The following CSMD1 variants were observed in gnomAD, a reference collection of about 807,000 sequenced individuals.
CSMD1 encodes CUB and Sushi multiple domains 1, also known as CUB and sushi domain-containing protein 1.
CSMD1 carries 213 observed loss-of-function variants against 417.5 expected under a neutral mutation model. That is an observed-to-expected ratio of 0.51 (90% confidence interval 0.46 to 0.57). The LOEUF is 0.57. Ranked by LOEUF, CSMD1 falls within the 20% of genes least tolerant of loss-of-function variation. CSMD1 has a pLI of 0.00. For synonymous variants in CSMD1, 2,862 were observed against 1,736.8 expected, an observed-to-expected ratio of 1.65 and a Z score of -16.11; for missense variants, 6,923 against 4,529.7, an observed-to-expected ratio of 1.53 and a Z score of -15.17.
intron 1 of CSMD1, among the ~76,000 whole-genome samples, chr8:4,738,648 C>T (rs1321489615): frequency 2.0e-5 from 3 of 151,954 alleles, no homozygotes; most frequent in East Asian, 3.9e-4. Flanking sequence ...CCAACAGCAT[C>T]GTTTCTGTCA....
At chr8:3,593,570 A>G (rs1800956818) in intron 8 of CSMD1, among the ~76,000 whole-genome samples, 1 of 152,200 alleles carries the variant, frequency 6.6e-6, no homozygotes, top group Non-Finnish European at 1.5e-5. Flanking sequence ...TCCAGATCTG[A>G]CTTTTAACCT....
chr8:4,192,253 A>G (rs1268228980), intron 3 of CSMD1, among the ~76,000 whole-genome samples: 3 of 152,210 alleles, frequency 2.0e-5, no homozygotes, highest in African/African-American at 7.2e-5. Context: ...CGTTAGGATT[A>G]TAAATTAGAT....
chr8:4,071,482 T>G (rs1474905312), intron 3 of CSMD1, among the ~76,000 whole-genome samples: 2 of 152,164 alleles, frequency 1.3e-5, no homozygotes, highest in Non-Finnish European at 2.9e-5. Context: ...ATTTCTAACT[T>G]TTTTTCACCA....
chr8:3,263,219 C>T (rs1469363700), intron 26 of CSMD1, among the ~76,000 whole-genome samples: 1 of 152,212 alleles, frequency 6.6e-6, no homozygotes, highest in East Asian at 1.9e-4. Flanking sequence ...CTGCCTCAGC[C>T]TCCCGAGTAC....
chr8:4,035,397 A>G (rs1420988541), intron 3 of CSMD1, among the ~76,000 whole-genome samples: 1 of 152,226 alleles, frequency 6.6e-6, no homozygotes, highest in Non-Finnish European at 1.5e-5. Context: ...TCTACTAAAA[A>G]AAAATTACGA....
chr8:3,602,712 G>C (rs948479250), intron 8 of CSMD1, among the ~76,000 whole-genome samples: 1 of 132,586 alleles, frequency 7.5e-6, no homozygotes, highest in Non-Finnish European at 1.6e-5. Context: ...TTTACAGGAA[G>C]AATTACACAC....
chr8:4,578,491 T>C (rs1344307807), intron 2 of CSMD1, among the ~76,000 whole-genome samples: 1 of 151,642 alleles, frequency 6.6e-6, no homozygotes, highest in African/African-American at 2.4e-5. Context: ...CTTCCACAAA[T>C]ATTCAGAGTA....
At chr8:3,412,544 G>A (rs148298213) in intron 12 of CSMD1, among the ~76,000 whole-genome samples, 1 of 152,118 alleles carries the variant, frequency 6.6e-6, no homozygotes, top group African/African-American at 2.4e-5. Flanking sequence ...CTAGCATGAA[G>A]ATGTTGAATA....
At chr8:3,500,532 A>G (rs1315103103) in intron 10 of CSMD1, among the ~76,000 whole-genome samples, 1 of 152,210 alleles carries the variant, frequency 6.6e-6, no homozygotes, top group African/African-American at 2.4e-5. Context: ...GATGAGCTGC[A>G]GTCTCTTTCA....
At chr8:4,617,525 T>G (rs912344736) in intron 2 of CSMD1, among the ~76,000 whole-genome samples, 4 of 152,154 alleles carry the variant, frequency 2.6e-5, no homozygotes, top group African/African-American at 9.7e-5. Flanking sequence ...CTATGAGGTT[T>G]CTGTCTGGAT....
intron 23 of CSMD1, among the ~76,000 whole-genome samples, chr8:3,330,512 G>A (rs1406342927): frequency 2.0e-5 from 3 of 152,248 alleles, no homozygotes; most frequent in Non-Finnish European, 4.4e-5. Flanking sequence ...ACCAAATACC[G>A]CGTGATCTCA....
At chr8:3,021,665 G>C (rs910190482) in intron 51 of CSMD1, among the ~76,000 whole-genome samples, 1 of 151,832 alleles carries the variant, frequency 6.6e-6, no homozygotes, top group Admixed American at 6.6e-5. Flanking sequence ...GAATGCACCT[G>C]CAATCCCACA....
At chr8:4,600,087 G>A (rs867300213) in intron 2 of CSMD1, among the ~76,000 whole-genome samples, 5 of 152,146 alleles carry the variant, frequency 3.3e-5, no homozygotes, top group Non-Finnish European at 7.4e-5. Flanking sequence ...GTGGAGTTAG[G>A]ACTAGAGGGT....
intron 5 of CSMD1, among the ~76,000 whole-genome samples, chr8:3,854,043 C>A: frequency 1.4e-5 from 2 of 140,722 alleles, no homozygotes. Flanking sequence ...ATATAATATA[C>A]TAAAGTATAT....
intron 4 of CSMD1, among the ~76,000 whole-genome samples, chr8:4,025,683 G>C (rs139788665): frequency 1.3e-5 from 2 of 152,196 alleles, no homozygotes; most frequent in African/African-American, 2.4e-5. Flanking sequence ...AAAGACTCAA[G>C]AATAACGAAT....
At chr8:3,208,979 A>T (rs1429810026) in intron 30 of CSMD1, among the ~76,000 whole-genome samples, 1 of 152,218 alleles carries the variant, frequency 6.6e-6, no homozygotes, top group East Asian at 1.9e-4. Flanking sequence ...TAACTATTCC[A>T]TTAGTTCTGT....
intron 1 of CSMD1, among the ~76,000 whole-genome samples, chr8:4,678,704 C>A (rs763877049): frequency 6.6e-6 from 1 of 152,140 alleles, no homozygotes; most frequent in Non-Finnish European, 1.5e-5. Context: ...ATAAAAATGT[C>A]TTCAAGGACC....
At chr8:3,982,304 G>A (rs2130193369) in intron 5 of CSMD1, among the ~76,000 whole-genome samples, 1 of 151,782 alleles carries the variant, frequency 6.6e-6, no homozygotes, top group East Asian at 1.9e-4. Flanking sequence ...GTGTGATACA[G>A]CATAAATTAC....
intron 5 of CSMD1, among the ~76,000 whole-genome samples, chr8:3,988,646 C>T (rs547619622): frequency 1.7e-4 from 26 of 152,304 alleles, no homozygotes; most frequent in African/African-American, 5.5e-4. Flanking sequence ...ATATGTACTT[C>T]GGTCAAAATT....
Sources: allele counts gnomAD v4.1 joint callset (sites outside exome capture counted in the v4.1 genomes callset), GRCh38; gene constraint gnomAD v4.1.1; transcripts MANE v1.5; gene names NCBI Gene and HGNC (gene_info 2026-07-23, HGNC 2026-07-21).